Variants in FUCA1 observed in about 807,000 individuals in gnomAD.
FUCA1 encodes the protein tissue alpha-L-fucosidase.
A neutral mutation model predicts 56.8 loss-of-function variants in FUCA1; 52 were observed. The ratio of observed to expected loss-of-function variants is 0.92; its 90% CI spans 0.73 to 1.15. The LOEUF (loss-of-function observed/expected upper bound fraction) is 1.15. Ranked by LOEUF, FUCA1 falls within the 50% of genes most tolerant of loss-of-function variation. The probability of loss-of-function intolerance (pLI) is 0.00; values close to 1 mark genes in which losing one functional copy is unlikely to be tolerated. For synonymous variants in FUCA1, 230 were observed against 226.6 expected (o/e 1.02, Z -0.14); for missense variants, 568 against 592.6 (o/e 0.96, Z 0.43).
intron 5 of FUCA1, among the ~76,000 whole-genome samples, chr1:23,852,286 A>G (rs976273329): frequency 1.3e-5 from 2 of 151,800 alleles, no homozygotes; most frequent in African/African-American, 2.4e-5. Flanking sequence ...CTGGTTGTAG[A>G]GGTGCACACC....
At chr1:23,853,302 A>G (rs1364999833) in intron 5 of FUCA1, among the ~76,000 whole-genome samples, 8 of 151,098 alleles carry the variant, frequency 5.3e-5, no homozygotes, top group African/African-American at 2.0e-4. Context: ...CTGGTAAGTG[A>G]GGAGCGTCTC....
intron 1 of FUCA1, among the ~76,000 whole-genome samples, chr1:23,866,396 T>C (rs1244677820): frequency 6.6e-6 from 1 of 152,254 alleles, no homozygotes; most frequent in Non-Finnish European, 1.5e-5. Context: ...CTCTCATTTA[T>C]TATAGAGGTG....
chr1:23,848,145 T>C (rs1156425265), intron 6 of FUCA1, among the ~76,000 whole-genome samples: 1 of 152,162 alleles, frequency 6.6e-6, no homozygotes, highest in Non-Finnish European at 1.5e-5. Flanking sequence ...AGGGATTAGA[T>C]CCAGAGACCT....
rs1033794573 is a variant in FUCA1 at position 23,848,907 on chromosome 1, C to T, written c.970-68G>A. 1.2e-5 allele frequency: 16 copies of T among 1,329,382 alleles called. No individual in the cohort carries two copies. The African/African-American group carries it at 2.3e-4, about 19-fold the overall frequency. The allele number at this position is 1,329,382 out of a possible 1,614,324, so 82.3% of individuals were successfully genotyped here. On this transcript the variant is annotated intron_variant, in intron 5 of 7. Transcript: ENST00000374479. ...AGCCTGGCATCATGCTTAAAATAGA[C>T]AGAGAAGAAAAAGAATCTAGGGCAC... is the stretch of plus-strand genomic sequence containing the variant.
rs1439882218 is a variant in FUCA1, at chr1:23,867,633, C to G, written c.389+265G>C. On this transcript the variant is annotated intron_variant, in intron 1 of 7. Coordinates refer to ENST00000374479, the MANE Select transcript of FUCA1 (RefSeq NM_000147.5). This position sits in a 1 kb window ranked among gnomAD's most constrained non-coding sequence, Gnocchi z 4.9. ...AAGGGACATCAGGTATGGCCTAACT[C>G]AGCCCTCTCGGTGCACAGGTGCAGA... is the stretch of plus-strand genomic sequence containing the variant. 1.3e-6 allele frequency: 1 copy of G among 783,026 alleles called. No homozygotes were observed. Among genetic ancestry groups the G allele is most frequent in the East Asian group, 1.3e-4 (1 of 7,936 alleles). The allele number at this position is 783,026 out of a possible 1,614,324, so 48.5% of individuals were successfully genotyped here.
At chr1:23,864,339 C>T (rs1284862819) in intron 2 of FUCA1, among the ~76,000 whole-genome samples, 2 of 152,130 alleles carry the variant, frequency 1.3e-5, no homozygotes, top group African/African-American at 2.4e-5. Context: ...CCACCCGCCT[C>T]GGCCTCCCAA....
chr1:23,864,075 T>C (rs565068142), intron 2 of FUCA1, among the ~76,000 whole-genome samples: 1 of 151,236 alleles, frequency 6.6e-6, no homozygotes, highest in African/African-American at 2.4e-5. Context: ...AATAGTTCTT[T>C]CTCTTTTTTT....
Position 23,865,393 on chromosome 1 carries a change from A to G in FUCA1, c.524+98T>C, listed in dbSNP as rs1282104063. 5 of 1,504,848 alleles carry G rather than the reference A, an allele frequency of 3.3e-6. No individual in the cohort carries two copies. In the African/African-American group the frequency reaches 6.9e-5, roughly 21 times the overall value. The allele number at this position is 1,504,848 out of a possible 1,614,324, so 93.2% of individuals were successfully genotyped here. A position where few individuals can be genotyped will look rare whatever the true frequency, so the allele number is the denominator to read the frequency against. On this transcript the variant is annotated intron_variant, in intron 2 of 7. Transcript: ENST00000374479. ...CCAAAAGCCCTTCAGGCTACTTGCTATATGCAAACCTAGAAAACACACGCA... is the reference window on the plus strand; with the variant it reads ...CCAAAAGCCCTTCAGGCTACTTGCTGTATGCAAACCTAGAAAACACACGCA...
At chr1:23,861,302 G>A (rs1189601022) in intron 3 of FUCA1, among the ~76,000 whole-genome samples, 1 of 126,742 alleles carries the variant, frequency 7.9e-6, no homozygotes, top group East Asian at 2.3e-4. Context: ...CAGCCTGGGC[G>A]ACGGAGCGAG....
Position 23,867,892 on chromosome 1 carries a change from A to G in FUCA1, c.389+6T>C, listed in dbSNP as rs577790391. ...AAGGGGCGCCGCTCCCCGGGACCAC[A>G]CTCACTTGGCGCCCGCGGCCTGGAA... On this transcript the variant is annotated splice_donor_region_variant and intron_variant, in intron 1 of 7. Coordinates refer to ENST00000374479, the MANE Select transcript of FUCA1 (RefSeq NM_000147.5). The surrounding 1 kb of genome is among the most constrained non-coding windows in gnomAD (Gnocchi z 4.9). The G allele has an allele frequency of 1.3e-6, 2 of 1,545,642 alleles. No homozygotes were observed. Among genetic ancestry groups the G allele is most frequent in the African/African-American group, 1.4e-5 (1 of 72,842 alleles).
intron 4 of FUCA1, among the ~76,000 whole-genome samples, chr1:23,855,672 T>C (rs1015872816): frequency 1.3e-5 from 2 of 152,244 alleles, no homozygotes; most frequent in African/African-American, 2.4e-5. Context: ...AGAATAGTCA[T>C]TATTTGTAAC....
At chr1:23,852,682 T>C (rs999260463) in intron 5 of FUCA1, among the ~76,000 whole-genome samples, 1 of 152,118 alleles carries the variant, frequency 6.6e-6, no homozygotes, top group African/African-American at 2.4e-5. Flanking sequence ...TTCGCTGTGT[T>C]GGCCGGGCTG....
Position 23,854,490 on chromosome 1 carries a change from TCA to T in FUCA1, c.837_838del (p.Cys279Ter). On this transcript the variant is annotated stop_gained and frameshift_variant, in exon 5 of 8. Transcript: ENST00000374479. LOFTEE classifies it high-confidence loss of function. The stretch of plus-strand genomic sequence containing the variant: ...CAAGCTCTGTGGCTTGAATTTATCT[TCA>T]CAGTTATAGTATCCTCCATGGTGAC... 1 of 1,614,110 alleles carries T rather than the reference TCA, an allele frequency of 6.2e-7. No individual in the cohort carries two copies.
intron 6 of FUCA1, among the ~76,000 whole-genome samples, chr1:23,846,894 T>G (rs1639155623): frequency 6.6e-6 from 1 of 152,156 alleles, no homozygotes; most frequent in South Asian, 2.1e-4. Flanking sequence ...ATTTCTTTTT[T>G]TTTAAGTGAT....
rs182280534 is a variant in FUCA1 at position 23,854,324 on chromosome 1, A to C, written c.969+36T>G. On this transcript the variant is annotated intron_variant, in intron 5 of 7. Transcript: ENST00000374479. ...TAAATCATACTGCATGTTAAAAAAA[A>C]AAAAACAAAAACAAAAAACTCAAAG... 1,118 of 1,579,716 alleles carry C rather than the reference A, an allele frequency of 7.1e-4. 5 individuals carry two copies. Among genetic ancestry groups the C allele is most frequent in the African/African-American group, 2.0e-3 (151 of 73,964 alleles).
intron 2 of FUCA1, among the ~76,000 whole-genome samples, chr1:23,863,851 C>T (rs1341436899): frequency 2.6e-5 from 4 of 151,800 alleles, no homozygotes; most frequent in East Asian, 3.9e-4. Flanking sequence ...GACCCTGTCT[C>T]AAAACAAAAA....
In FUCA1 at chr1:23,867,193, GCTCA is replaced by G. The variant is rs1300904325; in HGVS notation, c.389+701_389+704del. Among the ~76,000 whole-genome samples, 4 of 152,062 alleles carry G rather than the reference GCTCA, an allele frequency of 2.6e-5. No individual in the cohort carries two copies. The highest frequency in any genetic ancestry group is 9.7e-5 in the African/African-American group (4 of 41,396). On this transcript the variant is annotated intron_variant, in intron 1 of 7. Transcript: ENST00000374479. The surrounding 1 kb of genome is among the most constrained non-coding windows in gnomAD (Gnocchi z 4.9). ...CATCTGTCAATACAGGGCTCTCAAG[GCTCA>G]CTCCTTCAGGACAAGCCCCTGCCTT...
Position 23,867,666 on chromosome 1 carries a change from G to C in FUCA1, c.389+232C>G. 1 of 957,964 alleles carries C rather than the reference G, an allele frequency of 1.0e-6. No homozygotes were observed. The highest frequency in any genetic ancestry group is 1.2e-6 in the Non-Finnish European group (1 of 805,054). 59.3% of individuals were successfully genotyped at this position (957,964 alleles called of 1,614,324 possible). ...TCGGTGCACAGGTGCAGATACCCAG[G>C]GCTTCCCAGCCTGCCATCTCCCTGA... On this transcript the variant is annotated intron_variant, in intron 1 of 7. Coordinates refer to ENST00000374479, the MANE Select transcript of FUCA1 (RefSeq NM_000147.5). This position sits in a 1 kb window ranked among gnomAD's most constrained non-coding sequence, Gnocchi z 4.9.
chr1:23,864,891 G>A (rs1486461003), intron 2 of FUCA1, among the ~76,000 whole-genome samples: 5 of 152,014 alleles, frequency 3.3e-5, no homozygotes, highest in Non-Finnish European at 7.4e-5. Flanking sequence ...TTTTAGTAGA[G>A]ACAGGGTTTC....
Sources: gnomAD v4.1 joint callset for allele counts (sites outside exome capture counted in the v4.1 genomes callset) on GRCh38, gnomAD v4.1.1 for gene constraint, Gnocchi (gnomAD v3.1) non-coding constraint, MANE v1.5 for transcripts, NCBI Gene and HGNC (gene_info 2026-07-23, HGNC 2026-07-21) for gene names.